Variants in RFX8 observed in about 807,000 individuals in gnomAD.
RFX8 encodes regulatory factor X8, also known as DNA-binding protein RFX8.
RFX8 carries 46 observed loss-of-function variants against 54.6 expected under a neutral mutation model. That is an observed-to-expected ratio of 0.84 (90% confidence interval 0.67 to 1.08). The LOEUF is 1.08. Among genes scored for constraint, RFX8 ranks in the 50% least tolerant of loss-of-function variants. The pLI is 0.00. For synonymous variants in RFX8, 192 were observed against 209.5 expected (o/e 0.92, Z 0.72); for missense variants, 536 against 562.3 (o/e 0.95, Z 0.47).
intron 6 of RFX8, among the ~76,000 whole-genome samples, chr2:101,415,819 A>G (rs957778536): frequency 6.6e-6 from 1 of 152,232 alleles, no homozygotes; most frequent in African/African-American, 2.4e-5. Flanking sequence ...ATGTGCGAGC[A>G]CAAGGAAGAA....
At chr2:101,460,208 C>T (rs1032405254) in intron 2 of RFX8, among the ~76,000 whole-genome samples, 7 of 151,980 alleles carry the variant, frequency 4.6e-5, no homozygotes, top group African/African-American at 9.7e-5. Flanking sequence ...CCTGGTGAGG[C>T]GACACCCCAC....
chr2:101,437,596 GA>G (rs150222606), intron 2 of RFX8, among the ~76,000 whole-genome samples: 1 of 150,594 alleles, frequency 6.6e-6, no homozygotes, highest in Non-Finnish European at 1.5e-5. Flanking sequence ...AGAAAAAAAG[GA>G]AAAAAAAGAG....
intron 4 of RFX8, chr2:101,421,406 G>A (rs759310570): frequency 1.8e-4 from 188 of 1,045,864 alleles, no homozygotes; most frequent in Non-Finnish European, 2.1e-4. Flanking sequence ...AAAATTCCAG[G>A]GTGAATTTTA....
intron 2 of RFX8, among the ~76,000 whole-genome samples, chr2:101,453,769 A>T (rs762132375): frequency 6.6e-6 from 1 of 152,146 alleles, no homozygotes; most frequent in Non-Finnish European, 1.5e-5. Context: ...TGTCATAAAA[A>T]ATTCTCTGGA....
chr2:101,459,122 T>C (rs1255385627), intron 2 of RFX8, among the ~76,000 whole-genome samples: 1 of 152,220 alleles, frequency 6.6e-6, no homozygotes, highest in Non-Finnish European at 1.5e-5. Context: ...TAACCTTTTT[T>C]CAAGGTTTTT....
chr2:101,416,443 T>C (rs1168433034), intron 6 of RFX8, among the ~76,000 whole-genome samples: 1 of 151,962 alleles, frequency 6.6e-6, no homozygotes, highest in Admixed American at 6.6e-5. Flanking sequence ...GCTGGGGGCG[T>C]GGGGTCGGGA....
chr2:101,471,523 G>A (rs928653775), intron 1 of RFX8, among the ~76,000 whole-genome samples: 3 of 152,184 alleles, frequency 2.0e-5, no homozygotes, highest in African/African-American at 7.2e-5. Context: ...AGATAGTTAT[G>A]TAGTCTACAA....
At chr2:101,420,948 G>T (rs1435207933) in intron 4 of RFX8, among the ~76,000 whole-genome samples, 1 of 152,170 alleles carries the variant, frequency 6.6e-6, no homozygotes, top group Non-Finnish European at 1.5e-5. Flanking sequence ...CACAGGGTAG[G>T]AATTAAATAT....
chr2:101,472,672 A>G (rs1690075166), intron 1 of RFX8, among the ~76,000 whole-genome samples: 1 of 152,206 alleles, frequency 6.6e-6, no homozygotes, highest in Non-Finnish European at 1.5e-5. Context: ...CACTAACACT[A>G]ATGATAGCTG....
At chr2:101,425,517 G>A (rs1573401863) in intron 2 of RFX8, among the ~76,000 whole-genome samples, 1 of 152,190 alleles carries the variant, frequency 6.6e-6, no homozygotes. Context: ...AGTTTCGCCT[G>A]TTCAGAAGAA....
At chr2:101,456,033 G>A (rs1194367189) in intron 2 of RFX8, among the ~76,000 whole-genome samples, 1 of 152,174 alleles carries the variant, frequency 6.6e-6, no homozygotes, top group Non-Finnish European at 1.5e-5. Context: ...TGGTGTATAG[G>A]AATGCTTGTA....
chr2:101,424,485 A>G (rs544290357), intron 2 of RFX8, among the ~76,000 whole-genome samples: 2 of 152,338 alleles, frequency 1.3e-5, no homozygotes, highest in East Asian at 3.9e-4. Context: ...TAGAACTAGA[A>G]ATACCATTTG....
chr2:101,417,317 G>A (rs1686583537), intron 6 of RFX8, among the ~76,000 whole-genome samples: 1 of 152,056 alleles, frequency 6.6e-6, no homozygotes, highest in Non-Finnish European at 1.5e-5. Flanking sequence ...TGATCTTCCC[G>A]CCTCAGCCTT....
At chr2:101,413,179 T>C (rs972403868) in intron 7 of RFX8, 108 bp from the exon 8 acceptor site, 2 of 824,348 alleles carry the variant, frequency 2.4e-6, no homozygotes, top group African/African-American at 3.4e-5. Flanking sequence ...AAAGAAACAT[T>C]GATGTGGATA....
At chr2:101,398,616 C>T (rs1004260335) in intron 11 of RFX8, among the ~76,000 whole-genome samples, 15 of 152,148 alleles carry the variant, frequency 9.9e-5, no homozygotes, top group African/African-American at 3.1e-4. Flanking sequence ...GTAACAGATT[C>T]GAGAGGTGGG....
chr2:101,459,438 CTGTT>C (rs1388544713), intron 2 of RFX8, among the ~76,000 whole-genome samples: 4 of 152,128 alleles, frequency 2.6e-5, no homozygotes, highest in East Asian at 1.9e-4. Flanking sequence ...TTATTCCTTT[CTGTT>C]TGTTAGTTTT....
chr2:101,411,813 G>T (rs563664149), intron 8 of RFX8, among the ~76,000 whole-genome samples: 87 of 152,216 alleles, frequency 5.7e-4, no homozygotes, highest in Non-Finnish European at 1.1e-3. Context: ...AACAACTAGG[G>T]ATATATTTTA....
rs746226736 is a variant in RFX8 at position 101,468,427 on chromosome 2, G to A, written c.-52-1527C>T. Among the ~76,000 whole-genome samples the A allele has an allele frequency of 2.6e-5, 4 of 152,178 alleles. No homozygotes were observed. In the South Asian group the frequency reaches 6.2e-4, roughly 24 times the overall value. On this transcript the variant is annotated intron_variant, in intron 1 of 11. Coordinates refer to ENST00000428343, the MANE Select transcript of RFX8 (RefSeq NM_001145664.2). The stretch of plus-strand genomic sequence containing the variant: ...TACACAGCCTTCTCCCTGTGTGTCC[G>A]TATCTCTGAGAATTTTATTGTTTTT...
chr2:101,428,391 A>G (rs1335902032), intron 2 of RFX8, among the ~76,000 whole-genome samples: 1 of 152,220 alleles, frequency 6.6e-6, no homozygotes. Context: ...AGACACGATG[A>G]GGAGTCGTCT....
Sources: gnomAD v4.1 joint callset for allele counts (sites outside exome capture counted in the v4.1 genomes callset) on GRCh38, gnomAD v4.1.1 for gene constraint, MANE v1.5 for transcripts, NCBI Gene and HGNC (gene_info 2026-07-23, HGNC 2026-07-21) for gene names.